Variants in ARHGEF4 observed in about 807,000 individuals in gnomAD.
ARHGEF4 encodes Rho guanine nucleotide exchange factor 4, also known as APC-stimulated guanine nucleotide exchange factor 1.
A neutral mutation model predicts 162.0 loss-of-function variants in ARHGEF4; 119 were observed. The ratio of observed to expected loss-of-function variants is 0.73; its 90% confidence interval spans 0.63 to 0.86. ARHGEF4 has a LOEUF of 0.86. ARHGEF4 is among the 40% of genes least tolerant of loss of function. The pLI is 0.00. For synonymous variants in ARHGEF4, 1,014 were observed against 979.9 expected (o/e 1.03, Z -0.65); for missense variants, 2,488 against 2,456.0 (o/e 1.01, Z -0.28).
At chr2:131,003,633 C>T (rs1485409348) in intron 4 of ARHGEF4, among the ~76,000 whole-genome samples, 1 of 152,192 alleles carries the variant, frequency 6.6e-6, no homozygotes, top group Non-Finnish European at 1.5e-5. Context: ...GTGAGGTCAG[C>T]CTGAGTGACA....
intron 4 of ARHGEF4, among the ~76,000 whole-genome samples, chr2:130,974,175 G>C (rs1176226796): frequency 6.6e-6 from 1 of 151,658 alleles, no homozygotes; most frequent in South Asian, 2.1e-4. Flanking sequence ...GGGAGGCTGA[G>C]GTGGGAGGAT....
chr2:130,917,777 C>T (rs1270789000), intron 2 of ARHGEF4, among the ~76,000 whole-genome samples: 1 of 152,040 alleles, frequency 6.6e-6, no homozygotes, highest in African/African-American at 2.4e-5. Flanking sequence ...GAACTGCCTG[C>T]TCCCTGGGCA....
At chr2:131,017,213 A>C (rs774139853) in intron 4 of ARHGEF4, among the ~76,000 whole-genome samples, 6 of 152,204 alleles carry the variant, frequency 3.9e-5, no homozygotes, top group Non-Finnish European at 8.8e-5. Context: ...TGAGACCCAC[A>C]GTAGCTTTGT....
At chr2:130,910,727 T>G (rs182417750) in intron 1 of ARHGEF4, among the ~76,000 whole-genome samples, 7 of 152,326 alleles carry the variant, frequency 4.6e-5, no homozygotes, top group Admixed American at 4.6e-4. Context: ...AGTAGGACCT[T>G]GTACTATGTC....
intron 1 of ARHGEF4, among the ~76,000 whole-genome samples, chr2:130,895,134 C>T (rs577073635): frequency 2.1e-4 from 32 of 152,300 alleles, no homozygotes; most frequent in Middle Eastern, 3.4e-3. Context: ...CGCCACTCAC[C>T]GCTCTAGGTT....
chr2:130,986,785 C>G (rs1433463745), intron 4 of ARHGEF4, among the ~76,000 whole-genome samples: 1 of 152,202 alleles, frequency 6.6e-6, no homozygotes, highest in Non-Finnish European at 1.5e-5. Flanking sequence ...TAATTGTCTG[C>G]AAGTCCCTGC....
chr2:130,917,274 G>C lies in ARHGEF4; in HGVS notation c.3328G>C (p.Gly1110Arg), dbSNP rs542709755. 2 of 1,550,448 alleles carry C rather than the reference G, an allele frequency of 1.3e-6. No individual in the cohort carries two copies. Among genetic ancestry groups the C allele is most frequent in the Admixed American group, 3.9e-5 (2 of 51,006 alleles). The change falls in exon 2 of 14, where the codon GGG becomes CGG. Residue 1110 changes from glycine (G) to arginine (R), a missense_variant. Physicochemically the swap from Gly to Arg is moderately radical, Grantham distance 125. Transcript: ENST00000409359. Reference protein sequence around the residue: ...SAQRMGLHYPGRGSAISMVSL... With the variant: ...SAQRMGLHYPRRGSAISMVSL... ...TCAGCGGATGGGTCTCCACTACCCC[G>C]GGAGGGGTAGCGCCATCTCCATGGT...
chr2:130,997,371 A>G (rs1357013763), intron 4 of ARHGEF4, among the ~76,000 whole-genome samples: 1 of 151,998 alleles, frequency 6.6e-6, no homozygotes, highest in Non-Finnish European at 1.5e-5. Flanking sequence ...TTTGTTATGT[A>G]TTTTTTTTCT....
At chr2:130,868,083 G>A (rs879891286) in intron 1 of ARHGEF4, among the ~76,000 whole-genome samples, 7 of 151,458 alleles carry the variant, frequency 4.6e-5, no homozygotes, top group Non-Finnish European at 7.4e-5. Context: ...CCGCCACCAC[G>A]CCTGGCTAAT....
rs115880351 is a variant in ARHGEF4, at chr2:130,917,239, G to A, written c.3293G>A (p.Arg1098Lys). The A allele has an allele frequency of 1.3e-3, 2,012 of 1,550,530 alleles. 22 individuals carry two copies. In the African/African-American group the frequency reaches 0.025, roughly 19 times the overall value. ...ACGAGCCCCAAGCCCCTGAGTCCCA[G>A]GCCTAGTGCTCAGCGGATGGGTCTC... Reference protein sequence around the residue: ...RPTSPKPLSPRPSAQRMGLHY... With the variant: ...RPTSPKPLSPKPSAQRMGLHY... The change falls in exon 2 of 14, where the codon AGG (arginine) becomes AAG (lysine). Residue 1098 changes from arginine (R) to lysine (K), a missense_variant. Transcript: ENST00000409359.
intron 1 of ARHGEF4, among the ~76,000 whole-genome samples, chr2:130,863,754 C>T (rs995966171): frequency 6.6e-5 from 1 of 15,236 alleles, no homozygotes; most frequent in Non-Finnish European, 1.3e-4. Context: ...AAGCACACAT[C>T]CACACAAAGA....
intron 1 of ARHGEF4, among the ~76,000 whole-genome samples, chr2:130,847,349 G>T (rs1312324283): frequency 6.6e-6 from 1 of 152,242 alleles, no homozygotes. Context: ...GAGGCCGGGG[G>T]AAATTATTGA....
At position 130,916,103 on chromosome 2, in the gene ARHGEF4, C is replaced by G; in HGVS notation, c.2157C>G (p.Pro719=). The change falls in exon 2 of 14, where the codon CCC becomes CCG. Residue 719 remains proline (P), a synonymous_variant. Transcript: ENST00000409359. ...CAGAGCTTGGGAGAGTGCTGGTCCC[C>G]CAAGCTGCTTCGGAAGAGACGCCGA... ...QAAELGRVLV[P]QAASEETPST... is the part of the protein sequence containing the mutation. 5 of 1,550,064 alleles carry G rather than the reference C, an allele frequency of 3.2e-6. No homozygotes were observed. The highest frequency in any genetic ancestry group is 4.4e-6 in the Non-Finnish European group (5 of 1,146,910).
At position 131,044,460 on chromosome 2, in the gene ARHGEF4, C is replaced by T. The variant is rs1691076841; in HGVS notation, c.5319C>T (p.Cys1773=). Residue 1773 remains cysteine (C), a synonymous_variant, in exon 12 of 14, where the codon TGC becomes TGT. Transcript: ENST00000409359. ...CCACAGGGGACAGCCACCTGCTGTG[C>T]ACCAGGAAGCCCGAGCAGAAGCAGC... is the stretch of plus-strand genomic sequence containing the variant. ...RGATGDSHLL[C]TRKPEQKQRW... 1 of 1,556,036 alleles carries T rather than the reference C, an allele frequency of 6.4e-7. No individual in the cohort carries two copies. The highest frequency in any genetic ancestry group is 1.2e-5 in the South Asian group (1 of 84,446).
At chr2:130,917,840 T>G (rs1373844984) in intron 2 of ARHGEF4, among the ~76,000 whole-genome samples, 1 of 71,434 alleles carries the variant, frequency 1.4e-5, no homozygotes, top group Non-Finnish European at 2.8e-5. Context: ...TTTTTTTTTT[T>G]GAGACGGAGT....
At chr2:130,844,881 A>G (rs1206408658) in intron 1 of ARHGEF4, among the ~76,000 whole-genome samples, 1 of 151,818 alleles carries the variant, frequency 6.6e-6, no homozygotes, top group Non-Finnish European at 1.5e-5. Context: ...CTGGAGTGTA[A>G]TGGCGCGATC....
chr2:130,883,571 T>G (rs1158342900), intron 1 of ARHGEF4, among the ~76,000 whole-genome samples: 1 of 152,152 alleles, frequency 6.6e-6, no homozygotes, highest in African/African-American at 2.4e-5. Context: ...TCTTGCATGG[T>G]GTTGACTTAG....
Position 131,046,436 on chromosome 2 carries a change from C to A in ARHGEF4, c.*247C>A. 1.9e-6 allele frequency: 1 copy of A among 522,046 alleles called. No individual in the cohort carries two copies. The allele number at this position is 522,046 out of a possible 1,614,324, so 32.3% of individuals were successfully genotyped here. A position where few individuals can be genotyped will look rare whatever the true frequency, so the allele number is the denominator to read the frequency against. ...CGCCACACCGCCGCTGCAGCTTGGG[C>A]CCCATCCGCCCTCTGGACCTGTGTA... On this transcript the variant is annotated 3_prime_UTR_variant, in exon 14 of 14. Transcript: ENST00000409359.
At chr2:130,936,398 A>T (rs994842817) in intron 3 of ARHGEF4, among the ~76,000 whole-genome samples, 1 of 152,188 alleles carries the variant, frequency 6.6e-6, no homozygotes, top group Non-Finnish European at 1.5e-5. Flanking sequence ...CTTTTTAATC[A>T]ATCTATAATG....
Sources: gnomAD v4.1 joint callset for allele counts (sites outside exome capture counted in the v4.1 genomes callset) on GRCh38, gnomAD v4.1.1 for gene constraint, MANE v1.5 for transcripts, NCBI Gene and HGNC (gene_info 2026-07-23, HGNC 2026-07-21) for gene names.